Variants in SYCP1 observed in about 807,000 individuals in gnomAD.
SYCP1 encodes the protein synaptonemal complex protein 1, also known as cancer/testis antigen 8.
A neutral mutation model predicts 153.1 loss-of-function variants in SYCP1; 64 were observed. The ratio of observed to expected loss-of-function variants is 0.42; its 90% CI spans 0.34 to 0.51. SYCP1 has a LOEUF of 0.51. Ranked by LOEUF, SYCP1 falls within the 20% of genes least tolerant of loss-of-function variation. The pLI, the probability that SYCP1 is intolerant of heterozygous loss-of-function variation, is 0.06. For synonymous variants in SYCP1, 384 were observed against 341.8 expected (o/e 1.12, Z -1.36); for missense variants, 997 against 1,049.0 (o/e 0.95, Z 0.68).
intron 8 of SYCP1, among the ~76,000 whole-genome samples, chr1:114,866,524 G>T (rs1161056821): frequency 6.6e-6 from 1 of 151,924 alleles, no homozygotes; most frequent in African/African-American, 2.4e-5. Context: ...TTTTTAATCA[G>T]GTTGCATGTT....
chr1:114,981,681 G>A (rs1244721654), intron 29 of SYCP1, among the ~76,000 whole-genome samples, 169 bp downstream of exon 29: 1 of 151,908 alleles, frequency 6.6e-6, no homozygotes, highest in Non-Finnish European at 1.5e-5. Context: ...TTGCTGTGTT[G>A]CCTAGGATGG....
intron 26 of SYCP1, among the ~76,000 whole-genome samples, chr1:114,946,833 G>A (rs544511428): frequency 2.4e-4 from 36 of 152,156 alleles, no homozygotes; most frequent in South Asian, 4.2e-4. Flanking sequence ...TCCACCTCCC[G>A]GGTTCAAGCA....
intron 19 of SYCP1, among the ~76,000 whole-genome samples, chr1:114,913,693 C>T (rs1668328302): frequency 6.6e-6 from 1 of 151,930 alleles, no homozygotes; most frequent in African/African-American, 2.4e-5. Context: ...GAATGGAAAA[C>T]ATTACTTGAA....
At position 114,932,817 on chromosome 1, in the gene SYCP1, C is replaced by T. The variant is rs758878175; in HGVS notation, c.1926+6254C>T. On this transcript the variant is annotated intron_variant, in intron 23 of 31. Transcript: ENST00000369522. ...CCTCGCTCACTGCTAGTGCAGCAGT[C>T]TGAGATCGAACTGCAAGGAGGCAGT... Among the ~76,000 whole-genome samples, 71 of 152,328 alleles carry T rather than the reference C, an allele frequency of 4.7e-4. No homozygotes were observed. The South Asian group carries it at 6.0e-3, about 13-fold the overall frequency.
chr1:114,923,675 T>A (rs1669057849), intron 21 of SYCP1, 145 bp downstream of exon 21: 2 of 767,592 alleles, frequency 2.6e-6, no homozygotes, highest in Non-Finnish European at 3.6e-6. Flanking sequence ...ACCTTAAATA[T>A]CTAGGAAAGG....
rs552151383 is a variant in SYCP1 at position 114,892,609 on chromosome 1, A to C, written c.1259-2839A>C. ...GTGATGGCCCTTCTGCTGGGGTGAC[A>C]TGGGATTGATGCCATTGGCTTATGC... On this transcript the variant is annotated intron_variant, in intron 15 of 31. Transcript: ENST00000369522. Among the ~76,000 whole-genome samples, 17 of 152,098 alleles carry C rather than the reference A, an allele frequency of 1.1e-4. No homozygotes were observed. In the East Asian group the frequency reaches 3.3e-3, roughly 30 times the overall value.
chr1:114,949,076 C>G (rs1485924355), intron 27 of SYCP1, among the ~76,000 whole-genome samples: 3 of 152,154 alleles, frequency 2.0e-5, no homozygotes, highest in Non-Finnish European at 4.4e-5. Flanking sequence ...AAGGGATCTC[C>G]GTGCTAGCTC....
intron 27 of SYCP1, among the ~76,000 whole-genome samples, chr1:114,967,226 C>G (rs1180324033): frequency 1.3e-5 from 2 of 152,100 alleles, no homozygotes; most frequent in African/African-American, 4.8e-5. Context: ...TCGTGAATAT[C>G]CTTGTTAATT....
In SYCP1 at chr1:114,857,504, A is replaced by T; in HGVS notation, c.291+7A>T. On this transcript the variant is annotated splice_region_variant and intron_variant, in intron 5 of 31. Transcript: ENST00000369522. ...AAAAGACTCTGATTTGGAGGTCAGA[A>T]GATTTCCCATTCATATTAAATTTCT... The T allele has an allele frequency of 6.3e-7, 1 of 1,584,976 alleles. No individual in the cohort carries two copies. The highest frequency in any genetic ancestry group is 8.6e-7 in the Non-Finnish European group (1 of 1,164,450).
intron 17 of SYCP1, among the ~76,000 whole-genome samples, chr1:114,910,880 A>AGGATTT (rs1293115615): frequency 6.6e-6 from 1 of 152,102 alleles, no homozygotes; most frequent in Non-Finnish European, 1.5e-5. Context: ...TTCCTGGCTC[A>AGGATTT]TCCCCTCAAG....
At chr1:114,929,126 C>T (rs1405466530) in intron 23 of SYCP1, among the ~76,000 whole-genome samples, 1 of 152,150 alleles carries the variant, frequency 6.6e-6, no homozygotes, top group Non-Finnish European at 1.5e-5. Context: ...TCACTTCCCA[C>T]AGGCCCTACC....
intron 21 of SYCP1, among the ~76,000 whole-genome samples, chr1:114,923,878 T>C (rs572481098): frequency 1.3e-5 from 2 of 152,280 alleles, no homozygotes; most frequent in South Asian, 2.1e-4. Flanking sequence ...GTGAATATGA[T>C]ATCAAATTAA....
In SYCP1 at chr1:114,855,596, T is replaced by C. The variant is rs771526761; in HGVS notation, c.108+24T>C. 5.6e-5 allele frequency: 86 copies of C among 1,545,578 alleles called. 2 individuals are homozygous for C. In the Middle Eastern group the frequency reaches 6.4e-3, roughly 115 times the overall value. On this transcript the variant is annotated intron_variant, in intron 2 of 31. Coordinates refer to ENST00000369522, the MANE Select transcript of SYCP1 (RefSeq NM_003176.4). ...AGGTAAATTTCCATGTGACTCTTAA[T>C]TGGACTCTTCTTAACTTTAGGGAAA...
intron 20 of SYCP1, 85 bp from the exon 21 acceptor site, chr1:114,923,364 T>G: frequency 7.2e-7 from 1 of 1,388,446 alleles, no homozygotes; most frequent in Non-Finnish European, 9.5e-7. Context: ...ATGTGGTCTT[T>G]AAGACTTCCT....
chr1:114,958,794 G>GT, intron 27 of SYCP1, among the ~76,000 whole-genome samples: 1 of 150,894 alleles, frequency 6.6e-6, no homozygotes, highest in East Asian at 2.0e-4. Context: ...GCCGGGCATG[G>GT]TGGTGGGTGC....
intron 23 of SYCP1, among the ~76,000 whole-genome samples, chr1:114,936,236 G>A (rs997808287): frequency 6.6e-6 from 1 of 152,164 alleles, no homozygotes; most frequent in Non-Finnish European, 1.5e-5. Context: ...TGGGATGCAA[G>A]GCTGATTCAA....
chr1:114,954,211 A>G (rs1007092146), intron 27 of SYCP1, among the ~76,000 whole-genome samples: 4 of 152,150 alleles, frequency 2.6e-5, no homozygotes, highest in African/African-American at 9.7e-5. Flanking sequence ...CATTTTTTTG[A>G]CGTGAGAACA....
Position 114,878,105 on chromosome 1 carries a change from A to G in SYCP1, c.813A>G (p.Leu271=), listed in dbSNP as rs1665665604. ...INDKEKQVSL[L]LIQITEKENK... ...TTTAAATATTTTAGGTATCACTACTATTGATCCAAATCACTGAGAAAGAAA... is the reference window on the plus strand; with the variant it reads ...TTTAAATATTTTAGGTATCACTACTGTTGATCCAAATCACTGAGAAAGAAA... The change falls in exon 12 of 32, where the codon CTA becomes CTG. Residue 271 remains leucine, a synonymous_variant. Coordinates refer to ENST00000369522, the MANE Select transcript of SYCP1 (RefSeq NM_003176.4). The G allele has an allele frequency of 6.4e-7, 1 of 1,561,670 alleles. No individual in the cohort carries two copies. The highest frequency in any genetic ancestry group is 1.1e-5 in the South Asian group (1 of 87,918).
chr1:114,870,897 A>G (rs1250485197), intron 8 of SYCP1, among the ~76,000 whole-genome samples: 1 of 152,040 alleles, frequency 6.6e-6, no homozygotes, highest in African/African-American at 2.4e-5. Context: ...TACCACATTT[A>G]TTACTGTTTT....
Sources: gnomAD v4.1 joint callset for allele counts (sites outside exome capture counted in the v4.1 genomes callset) on GRCh38, gnomAD v4.1.1 for gene constraint, MANE v1.5 for transcripts, NCBI Gene and HGNC (gene_info 2026-07-23, HGNC 2026-07-21) for gene names.